AUTS2: variants seen among roughly 807,000 people sequenced by gnomAD.
The protein encoded by AUTS2 is autism susceptibility gene 2 protein.
AUTS2 carries 17 observed loss-of-function variants against 112.4 expected under a neutral mutation model. The observed-to-expected ratio is 0.15, with a 90% CI of 0.10 to 0.23. AUTS2 has a LOEUF of 0.23. AUTS2 is among the 10% of genes least tolerant of loss of function. AUTS2 has a pLI of 1.00. For missense variants in AUTS2, 1,510 were observed against 1,701.6 expected (o/e 0.89, Z 1.98); for synonymous variants, 751 against 702.7 (o/e 1.07, Z -1.09).
intron 2 of AUTS2, among the ~76,000 whole-genome samples, chr7:70,045,842 G>A (rs979012340): frequency 1.4e-5 from 2 of 146,258 alleles, no homozygotes; most frequent in South Asian, 2.2e-4. Flanking sequence ...TTGCCAGGCT[G>A]GTATCAAACT....
chr7:70,255,313 C>T lies in AUTS2; in HGVS notation c.660+120742C>T, dbSNP rs534183852. Among the ~76,000 whole-genome samples the T allele has an allele frequency of 1.5e-3, 224 of 152,098 alleles. 2 individuals are homozygous for T. Among genetic ancestry groups the T allele is most frequent in the Non-Finnish European group, 2.4e-3 (166 of 67,950 alleles). ...GGTCTCGAACTCCTGACCTCGTTAT[C>T]CGCCCGCCTCAGCCTCCCAAAGTGC... On this transcript the variant is annotated intron_variant, in intron 4 of 18. Transcript: ENST00000342771.
At chr7:70,188,907 ATTAT>A (rs1809744079) in intron 4 of AUTS2, among the ~76,000 whole-genome samples, 1 of 151,258 alleles carries the variant, frequency 6.6e-6, no homozygotes, top group African/African-American at 2.4e-5. Context: ...TTCTTTATTA[ATTAT>A]TTATATGTCT....
At chr7:70,612,361 A>T (rs1031571627) in intron 5 of AUTS2, among the ~76,000 whole-genome samples, 2 of 152,204 alleles carry the variant, frequency 1.3e-5, no homozygotes. Context: ...ACTGCATCTG[A>T]CATCGTCAGC....
intron 1 of AUTS2, among the ~76,000 whole-genome samples, chr7:69,691,310 TC>T (rs1797333087): frequency 6.6e-6 from 1 of 152,064 alleles, no homozygotes; most frequent in Non-Finnish European, 1.5e-5. Context: ...CCTACCCCTT[TC>T]CGCCCAGGAA....
chr7:70,280,083 C>T (rs1273588253), intron 4 of AUTS2, among the ~76,000 whole-genome samples: 1 of 151,978 alleles, frequency 6.6e-6, no homozygotes, highest in African/African-American at 2.4e-5. Flanking sequence ...GGGGAGAGGT[C>T]AATTAAATGA....
At chr7:70,163,696 T>C (rs1212476051) in intron 4 of AUTS2, among the ~76,000 whole-genome samples, 2 of 152,110 alleles carry the variant, frequency 1.3e-5, no homozygotes, top group Non-Finnish European at 2.9e-5. Flanking sequence ...AACAGGAAAC[T>C]TTCTCATGCC....
intron 6 of AUTS2, among the ~76,000 whole-genome samples, chr7:70,709,921 A>C (rs1809957049): frequency 6.6e-6 from 1 of 152,196 alleles, no homozygotes; most frequent in South Asian, 2.1e-4. Context: ...TGTGTAAGAA[A>C]GATCTTAAAG....
At chr7:70,604,852 GA>G (rs2129530699) in intron 5 of AUTS2, among the ~76,000 whole-genome samples, 1 of 152,326 alleles carries the variant, frequency 6.6e-6, no homozygotes, top group African/African-American at 2.4e-5. Flanking sequence ...TTACAGTGGG[GA>G]AAGAGACTTA....
chr7:69,779,969 C>A (rs1789077877), intron 1 of AUTS2, among the ~76,000 whole-genome samples: 1 of 152,010 alleles, frequency 6.6e-6, no homozygotes, highest in South Asian at 2.1e-4. Context: ...AGTCCTTTCA[C>A]TTCAGCCTCT....
At chr7:69,623,409 AG>A (rs1793777355) in intron 1 of AUTS2, among the ~76,000 whole-genome samples, 1 of 18,816 alleles carries the variant, frequency 5.3e-5, no homozygotes, top group Non-Finnish European at 1.3e-4. Flanking sequence ...TTTTTTTTGC[AG>A]GGGTAGAGAC....
chr7:69,856,373 C>T (rs922421730), intron 1 of AUTS2, among the ~76,000 whole-genome samples: 3 of 152,154 alleles, frequency 2.0e-5, no homozygotes, highest in Admixed American at 6.5e-5. Context: ...ACTTTAGTAA[C>T]GCATTTTCTG....
At position 70,755,681 on chromosome 7, in the gene AUTS2, T is replaced by G. The variant is rs544232226; in HGVS notation, c.743-7189T>G. Among the ~76,000 whole-genome samples the G allele has an allele frequency of 3.7e-4, 56 of 152,074 alleles. 1 individual carries two copies. In the South Asian group the frequency reaches 0.01, roughly 28 times the overall value. ...TGAGACTCCATCTCAAAAAAAAAAT[T>G]CAGTAGGTAAGGCAATTTAAAAAGA... is the stretch of plus-strand genomic sequence containing the variant. On this transcript the variant is annotated intron_variant, in intron 6 of 18. Transcript: ENST00000342771.
At chr7:70,756,348 T>A (rs1370347237) in intron 6 of AUTS2, among the ~76,000 whole-genome samples, 3 of 152,220 alleles carry the variant, frequency 2.0e-5, no homozygotes, top group African/African-American at 7.2e-5. Context: ...AGGTTGTTAC[T>A]GCATTTGTGC....
At position 70,103,869 on chromosome 7, in the gene AUTS2, C is replaced by T. The variant is rs370659507; in HGVS notation, c.523-14263C>T. The stretch of plus-strand genomic sequence containing the variant: ...AGGTTGCAGTGAGCCAAGATCATGC[C>T]ATTGCACTCCAGCCTGGGCAACAGA... On this transcript the variant is annotated intron_variant, in intron 2 of 18. Coordinates refer to ENST00000342771, the MANE Select transcript of AUTS2 (RefSeq NM_015570.4). Among the ~76,000 whole-genome samples, 207 of 150,128 alleles carry T rather than the reference C, an allele frequency of 1.4e-3. 1 individual carries two copies. In the East Asian group the frequency reaches 0.015, roughly 11 times the overall value.
At chr7:70,761,082 T>C (rs11768020) in intron 6 of AUTS2, among the ~76,000 whole-genome samples, 67,530 of 152,182 alleles carry the variant, frequency 0.44, 16,634 homozygotes, top group Non-Finnish European at 0.54. Context: ...TTGAAAATAA[T>C]GAATTGCTTT....
At chr7:70,539,455 C>G (rs1253869202) in intron 5 of AUTS2, among the ~76,000 whole-genome samples, 1 of 152,212 alleles carries the variant, frequency 6.6e-6, no homozygotes, top group East Asian at 1.9e-4. Flanking sequence ...CTTACACAGA[C>G]TGTGCTGTGC....
At chr7:70,586,527 C>G (rs964238102) in intron 5 of AUTS2, among the ~76,000 whole-genome samples, 3 of 152,184 alleles carry the variant, frequency 2.0e-5, no homozygotes, top group Non-Finnish European at 4.4e-5. Flanking sequence ...TCAAGAATTG[C>G]TCCAGGAAAT....
chr7:70,524,706 G>T (rs200713779), intron 5 of AUTS2, among the ~76,000 whole-genome samples: 1 of 152,264 alleles, frequency 6.6e-6, no homozygotes, highest in South Asian at 2.1e-4. Flanking sequence ...AATGTTAATG[G>T]GTTATCAATA....
At chr7:70,195,135 C>T (rs563940555) in intron 4 of AUTS2, among the ~76,000 whole-genome samples, 6 of 152,112 alleles carry the variant, frequency 3.9e-5, no homozygotes, top group Admixed American at 3.3e-4. Flanking sequence ...CTTTTCCTGA[C>T]GGTCCTTCCT....
Sources: allele counts gnomAD v4.1 joint callset (sites outside exome capture counted in the v4.1 genomes callset), GRCh38; gene constraint gnomAD v4.1.1; transcripts MANE v1.5; gene names NCBI Gene and HGNC (gene_info 2026-07-23, HGNC 2026-07-21).